Variants in PRIM2 observed in about 807,000 individuals in gnomAD.
The protein encoded by PRIM2 is DNA primase subunit 2.
In PRIM2, 39 loss-of-function variants were observed where a neutral mutation model predicts 67.3. That is an observed-to-expected ratio of 0.58 (90% confidence interval 0.45 to 0.76). The LOEUF is 0.76. PRIM2 is among the 30% of genes least tolerant of loss of function. The pLI, the probability that PRIM2 is intolerant of heterozygous loss-of-function variation, is 0.00. For synonymous variants in PRIM2, 143 were observed against 198.7 expected, an observed-to-expected ratio of 0.72 and a Z score of 2.36; for missense variants, 398 against 598.7, an observed-to-expected ratio of 0.66 and a Z score of 3.50.
chr6:57,384,734 A>G (rs1770083038), intron 7 of PRIM2, among the ~76,000 whole-genome samples: 1 of 152,176 alleles, frequency 6.6e-6, no homozygotes, highest in Non-Finnish European at 1.5e-5. Flanking sequence ...GAGAATGAAG[A>G]TGGGGAGGCA....
intron 10 of PRIM2, among the ~76,000 whole-genome samples, chr6:57,599,410 C>A (rs1302213221): frequency 6.6e-6 from 1 of 151,552 alleles, no homozygotes; most frequent in African/African-American, 2.4e-5. Flanking sequence ...GACATAACTT[C>A]TCTCTTTCAG....
At chr6:57,568,006 G>A (rs1427897306) in intron 10 of PRIM2, among the ~76,000 whole-genome samples, 3 of 151,900 alleles carry the variant, frequency 2.0e-5, no homozygotes, top group Non-Finnish European at 4.4e-5. Flanking sequence ...TTTCTTCTCT[G>A]ATTTGTTATA....
chr6:57,563,363 T>C (rs1775675785), intron 10 of PRIM2, among the ~76,000 whole-genome samples: 1 of 151,382 alleles, frequency 6.6e-6, no homozygotes, highest in African/African-American at 2.4e-5. Context: ...GGAACATCAA[T>C]TATCATTGTA....
At chr6:57,241,489 G>A in the PRIM2 span, among the ~76,000 whole-genome samples, 1,638 of 144,472 alleles carry the variant, frequency 0.011, 35 homozygotes, top group African/African-American at 0.04. Context: ...AACTTTTTCA[G>A]GAAACTGCTG....
At chr6:57,428,075 A>G (rs1283487093) in intron 7 of PRIM2, among the ~76,000 whole-genome samples, 1 of 152,120 alleles carries the variant, frequency 6.6e-6, no homozygotes, top group Admixed American at 6.6e-5. Flanking sequence ...AAAAAATTGC[A>G]GTAGAATTAT....
At chr6:57,441,974 A>T (rs888435697) in intron 7 of PRIM2, among the ~76,000 whole-genome samples, 5 of 152,044 alleles carry the variant, frequency 3.3e-5, no homozygotes, top group Non-Finnish European at 5.9e-5. Context: ...ATATTTTCTG[A>T]TATAAGCAGG....
intron 10 of PRIM2, among the ~76,000 whole-genome samples, chr6:57,540,410 G>C (rs1478397208): frequency 1.3e-5 from 2 of 152,168 alleles, no homozygotes; most frequent in Admixed American, 6.5e-5. Flanking sequence ...CCAAAAGCCT[G>C]AAAACCAGAA....
the PRIM2 span, among the ~76,000 whole-genome samples, chr6:57,287,393 A>T: frequency 6.6e-6 from 1 of 152,220 alleles, no homozygotes; most frequent in Non-Finnish European, 1.5e-5. Context: ...GATAAAGAAA[A>T]TGTGGCACAT....
chr6:57,553,735 T>C (rs1775451248), intron 10 of PRIM2, among the ~76,000 whole-genome samples: 1 of 152,204 alleles, frequency 6.6e-6, no homozygotes, highest in African/African-American at 2.4e-5. Flanking sequence ...GCAGAAACAC[T>C]GCAGTGTGGT....
the PRIM2 span, among the ~76,000 whole-genome samples, chr6:57,246,850 T>A: frequency 7.2e-6 from 1 of 137,970 alleles, no homozygotes; most frequent in African/African-American, 2.8e-5. Context: ...CTCCCTGGAC[T>A]TAATTTCTTT....
intron 8 of PRIM2, among the ~76,000 whole-genome samples, chr6:57,523,373 G>A (rs1774670980): frequency 6.6e-6 from 1 of 152,156 alleles, no homozygotes; most frequent in Non-Finnish European, 1.5e-5. Context: ...TCTTAATCAC[G>A]CTTCTCTATT....
chr6:57,331,664 G>T (rs1768061833), intron 5 of PRIM2, among the ~76,000 whole-genome samples: 1 of 151,804 alleles, frequency 6.6e-6, no homozygotes, highest in Non-Finnish European at 1.5e-5. Context: ...CTTTATCTAA[G>T]TTATCTAATT....
chr6:57,326,744 T>C (rs1375267335), intron 5 of PRIM2, among the ~76,000 whole-genome samples: 1 of 151,490 alleles, frequency 6.6e-6, no homozygotes, highest in African/African-American at 2.4e-5. Context: ...AAACCATAAA[T>C]CAAAAATGTC....
At position 57,479,733 on chromosome 6, in the gene PRIM2, A is replaced by C. The variant is rs1344695538; in HGVS notation, c.694-27654A>C. ...GGATATAGTGGATAAAGACCTGGCA[A>C]CATTTTTAAGAGTGTGTATGTGTTG... On this transcript the variant is annotated intron_variant, in intron 7 of 13. Coordinates refer to ENST00000615550, the MANE Select transcript of PRIM2 (RefSeq NM_000947.5). 5.9e-5 allele frequency among the ~76,000 whole-genome samples: 9 copies of C among 152,340 alleles called. No homozygotes were observed. In the South Asian group the frequency reaches 1.7e-3, roughly 28 times the overall value.
chr6:57,375,491 G>A (rs1246828621), intron 5 of PRIM2, among the ~76,000 whole-genome samples: 2 of 152,080 alleles, frequency 1.3e-5, no homozygotes, highest in Non-Finnish European at 2.9e-5. Context: ...GAGGATTTTT[G>A]CATCAGTGTT....
chr6:57,323,025 C>T (rs1767711492), intron 3 of PRIM2, among the ~76,000 whole-genome samples: 1 of 151,844 alleles, frequency 6.6e-6, no homozygotes, highest in Admixed American at 6.6e-5. Flanking sequence ...CATAACTTCT[C>T]TGTGCCTCAG....
At chr6:57,412,967 G>C (rs1314050777) in intron 7 of PRIM2, among the ~76,000 whole-genome samples, 1 of 152,108 alleles carries the variant, frequency 6.6e-6, no homozygotes, top group African/African-American at 2.4e-5. Flanking sequence ...TCTTCGAAAT[G>C]TACTAACACT....
the PRIM2 span, among the ~76,000 whole-genome samples, chr6:57,300,292 T>C: frequency 6.6e-6 from 1 of 152,200 alleles, no homozygotes; most frequent in East Asian, 1.9e-4. Context: ...TCAAGTATCT[T>C]AGTCCAGGAA....
chr6:57,530,487 T>C, intron 8 of PRIM2, among the ~76,000 whole-genome samples: 1 of 152,202 alleles, frequency 6.6e-6, no homozygotes, highest in Admixed American at 6.5e-5. Flanking sequence ...ACTTTTGTCT[T>C]TGTGAATCTG....
Sources: gnomAD v4.1 joint callset for allele counts (sites outside exome capture counted in the v4.1 genomes callset) on GRCh38, gnomAD v4.1.1 for gene constraint, MANE v1.5 for transcripts, NCBI Gene and HGNC (gene_info 2026-07-23, HGNC 2026-07-21) for gene names.